The following PDZD2 variants were observed in gnomAD, a reference collection of about 807,000 sequenced individuals.
The protein encoded by PDZD2 is PDZ domain containing 2, also known as PDZ domain-containing protein 2.
A neutral mutation model predicts 220.7 loss-of-function variants in PDZD2; 90 were observed. The observed-to-expected ratio is 0.41, with a 90% CI of 0.34 to 0.49. The LOEUF (loss-of-function observed/expected upper bound fraction) is 0.49, where lower values mean the gene tolerates loss of function less well. PDZD2 is among the 20% of genes least tolerant of loss of function. The pLI is 0.28. For synonymous variants in PDZD2, 1,375 were observed against 1,450.5 expected (o/e 0.95, Z 1.18); for missense variants, 3,174 against 3,608.5 (o/e 0.88, Z 3.08).
intron 1 of PDZD2, among the ~76,000 whole-genome samples, chr5:31,665,636 G>C (rs1745953342): frequency 2.8e-5 from 1 of 36,334 alleles, no homozygotes. Flanking sequence ...GTGTTTGGAA[G>C]TTCCCCCTCC....
At chr5:31,935,145 C>T (rs1050872186) in intron 2 of PDZD2, among the ~76,000 whole-genome samples, 2 of 151,724 alleles carry the variant, frequency 1.3e-5, no homozygotes, top group African/African-American at 4.8e-5. Context: ...AGGATGTTTG[C>T]TCCTATTTTG....
At chr5:31,779,714 A>G (rs912356511) in intron 1 of PDZD2, among the ~76,000 whole-genome samples, 1 of 152,136 alleles carries the variant, frequency 6.6e-6, no homozygotes, top group Non-Finnish European at 1.5e-5. Flanking sequence ...GAACCTGTTC[A>G]GTTTGTATTT....
intron 3 of PDZD2, among the ~76,000 whole-genome samples, chr5:31,988,042 A>T (rs1483867886): frequency 6.6e-6 from 1 of 151,794 alleles, no homozygotes; most frequent in Non-Finnish European, 1.5e-5. Flanking sequence ...CTGTCACAGT[A>T]CTCCCCTACC....
intron 21 of PDZD2, among the ~76,000 whole-genome samples, chr5:32,094,951 C>A (rs1209517297): frequency 6.6e-6 from 1 of 152,202 alleles, no homozygotes; most frequent in Non-Finnish European, 1.5e-5. Context: ...CCTCATCTCT[C>A]TTCCTCCTCC....
At chr5:31,857,933 TCTC>T (rs1758601725) in intron 2 of PDZD2, among the ~76,000 whole-genome samples, 1 of 152,162 alleles carries the variant, frequency 6.6e-6, no homozygotes, top group African/African-American at 2.4e-5. Flanking sequence ...TTCAAGTGAT[TCTC>T]CTGCCTCACA....
At chr5:31,924,687 C>T (rs904763547) in intron 2 of PDZD2, among the ~76,000 whole-genome samples, 19 of 152,330 alleles carry the variant, frequency 1.2e-4, no homozygotes, top group East Asian at 3.9e-4. Flanking sequence ...GGTCTTGAGA[C>T]GTAGCCAATC....
chr5:31,847,173 T>C (rs1352406721), intron 2 of PDZD2: 1 of 163,988 alleles, frequency 6.1e-6, no homozygotes, highest in Non-Finnish European at 1.3e-5. Flanking sequence ...AAACATTGGA[T>C]TATTGTAAGG....
chr5:31,796,352 G>A (rs1198144310), intron 1 of PDZD2, among the ~76,000 whole-genome samples: 1 of 152,194 alleles, frequency 6.6e-6, no homozygotes, highest in East Asian at 1.9e-4. Context: ...CGGGAAAGCT[G>A]TGGGGAACCC....
At chr5:31,660,708 A>T (rs1745726992) in intron 1 of PDZD2, among the ~76,000 whole-genome samples, 1 of 152,172 alleles carries the variant, frequency 6.6e-6, no homozygotes, top group Non-Finnish European at 1.5e-5. Context: ...GGGAACTACA[A>T]TTCAAGATGA....
At chr5:31,988,441 T>TGGG (rs35769390) in intron 3 of PDZD2, among the ~76,000 whole-genome samples, 60 of 146,482 alleles carry the variant, frequency 4.1e-4, no homozygotes, top group African/African-American at 7.3e-4. Flanking sequence ...GAGATGGGGG[T>TGGG]GGGGGGGGTG....
chr5:31,952,739 A>G (rs1337268938), intron 2 of PDZD2, among the ~76,000 whole-genome samples: 1 of 152,214 alleles, frequency 6.6e-6, no homozygotes, highest in Non-Finnish European at 1.5e-5. Flanking sequence ...AAGAGGGGAA[A>G]GTGAGTGAAT....
intron 1 of PDZD2, among the ~76,000 whole-genome samples, chr5:31,751,606 G>T (rs1289688590): frequency 6.6e-6 from 1 of 152,146 alleles, no homozygotes; most frequent in African/African-American, 2.4e-5. Context: ...GATGAAAGCA[G>T]GATCCATGCC....
chr5:31,782,753 A>G (rs10077329), intron 1 of PDZD2, among the ~76,000 whole-genome samples: 16,735 of 129,784 alleles, frequency 0.13, 1,091 homozygotes, highest in Middle Eastern at 0.23. Flanking sequence ...TTGCGCTATC[A>G]CCCAGGCTGG....
At chr5:31,844,425 CG>C (rs1299862930) in intron 2 of PDZD2, among the ~76,000 whole-genome samples, 2 of 152,108 alleles carry the variant, frequency 1.3e-5, no homozygotes, top group African/African-American at 4.8e-5. Flanking sequence ...TCAAGCTTCT[CG>C]ATTTTTAACA....
rs181753511 is a variant in PDZD2, at chr5:31,763,079, C to G, written c.-360-35810C>G. Among the ~76,000 whole-genome samples the G allele has an allele frequency of 1.8e-3, 278 of 152,262 alleles. 1 individual carries two copies. Among genetic ancestry groups the G allele is most frequent in the Admixed American group, 4.8e-3 (74 of 15,302 alleles). The stretch of plus-strand genomic sequence containing the variant: ...GGGAGTTACTAGAAATCGGAAATGC[C>G]TTTTTCGTTTGATTAAGAGTTACTG... On this transcript the variant is annotated intron_variant, in intron 1 of 24. Transcript: ENST00000438447.
intron 1 of PDZD2, among the ~76,000 whole-genome samples, chr5:31,726,786 C>T (rs908246646): frequency 1.3e-5 from 2 of 152,130 alleles, no homozygotes; most frequent in African/African-American, 4.8e-5. Flanking sequence ...AAGCTATCTA[C>T]CATTCAGATA....
intron 2 of PDZD2, among the ~76,000 whole-genome samples, chr5:31,826,318 A>C (rs77123991): frequency 6.6e-6 from 1 of 152,108 alleles, no homozygotes; most frequent in African/African-American, 2.4e-5. Flanking sequence ...AAACCTTTTC[A>C]GGTAACAGTT....
intron 17 of PDZD2, among the ~76,000 whole-genome samples, chr5:32,073,114 T>A (rs1740915724): frequency 6.6e-6 from 1 of 152,176 alleles, no homozygotes; most frequent in South Asian, 2.1e-4. Context: ...TTTCTGCTGG[T>A]GAGGTTTCCT....
chr5:32,057,861 CCTCA>C lies in PDZD2; in HGVS notation c.1975-14_1975-11del. Reference sequence around the variant, plus strand: ...ATTCCAAATGTTTCAGCCCACCTTTCCTCACTGTTTTCTCAGCAAATCCGGAGTG... The same window carrying C: ...ATTCCAAATGTTTCAGCCCACCTTTCCTGTTTTCTCAGCAAATCCGGAGTG... On this transcript the variant is annotated splice_polypyrimidine_tract_variant and intron_variant, in intron 11 of 24. Transcript: ENST00000438447. 1 of 1,564,882 alleles carries C rather than the reference CCTCA, an allele frequency of 6.4e-7. No homozygotes were observed. The highest frequency in any genetic ancestry group is 8.8e-7 in the Non-Finnish European group (1 of 1,139,022).
Sources: allele counts gnomAD v4.1 joint callset (sites outside exome capture counted in the v4.1 genomes callset), GRCh38; gene constraint gnomAD v4.1.1; transcripts MANE v1.5; gene names NCBI Gene and HGNC (gene_info 2026-07-23, HGNC 2026-07-21).